The following SLC20A2 variants were observed in gnomAD, a reference collection of about 807,000 sequenced individuals.
SLC20A2 encodes the protein sodium-dependent phosphate transporter 2.
Under a neutral mutation model 61.0 loss-of-function variants are expected in SLC20A2, and 30 were observed. The ratio of observed to expected loss-of-function variants is 0.49; its 90% CI spans 0.37 to 0.67. The LOEUF is 0.67. Among genes scored for constraint, SLC20A2 ranks in the 30% least tolerant of loss-of-function variants. The probability of loss-of-function intolerance (pLI) is 0.00; values close to 1 mark genes in which losing one functional copy is unlikely to be tolerated. For synonymous variants in SLC20A2, 351 were observed against 353.3 expected (o/e 0.99, Z 0.07); for missense variants, 626 against 866.4 (o/e 0.72, Z 3.48).
chr8:42,515,294 G>C (rs968117759), intron 1 of SLC20A2, among the ~76,000 whole-genome samples: 10 of 152,150 alleles, frequency 6.6e-5, no homozygotes, highest in Admixed American at 6.5e-4. Flanking sequence ...GGGGTGACAG[G>C]AGAGTATGGC....
intron 1 of SLC20A2, among the ~76,000 whole-genome samples, chr8:42,522,065 C>T (rs1530846): frequency 0.24 from 28,593 of 119,728 alleles, 8,853 homozygotes; most frequent in South Asian, 0.43. Flanking sequence ...GAGGGTTGCC[C>T]ATTTAGGAGA....
intron 1 of SLC20A2, among the ~76,000 whole-genome samples, chr8:42,509,610 C>T (rs1343899904): frequency 4.0e-5 from 6 of 151,784 alleles, no homozygotes; most frequent in East Asian, 3.8e-4. Context: ...AAAAAATTAG[C>T]GGGTGCAGTG....
At chr8:42,440,293 C>T (rs546146207) in intron 6 of SLC20A2, among the ~76,000 whole-genome samples, 1 of 152,262 alleles carries the variant, frequency 6.6e-6, no homozygotes, top group East Asian at 1.9e-4. Flanking sequence ...GCCACCCAGA[C>T]TGGCCTTCTG....
At chr8:42,441,785 ATTGAG>A (rs1804805114) in intron 6 of SLC20A2, among the ~76,000 whole-genome samples, 1 of 151,748 alleles carries the variant, frequency 6.6e-6, no homozygotes, top group African/African-American at 2.4e-5. Flanking sequence ...TCATTTTTTA[ATTGAG>A]TTATTTGTTT....
chr8:42,508,572 G>T (rs1454676285), intron 1 of SLC20A2, among the ~76,000 whole-genome samples: 3 of 151,988 alleles, frequency 2.0e-5, no homozygotes, highest in Non-Finnish European at 4.4e-5. Context: ...TGTATTTTTA[G>T]TAGAGATGGG....
intron 5 of SLC20A2, among the ~76,000 whole-genome samples, chr8:42,446,584 C>A (rs1028483237): frequency 2.0e-5 from 3 of 152,128 alleles, no homozygotes; most frequent in Non-Finnish European, 2.9e-5. Flanking sequence ...GAAAGAGGCC[C>A]AAGATCCAAT....
At chr8:42,502,615 T>G (rs1810393937), upstream of SLC20A2, 1 of 152,318 alleles carries the variant, frequency 6.6e-6, no homozygotes, top group Non-Finnish European at 1.5e-5. Flanking sequence ...GATCTGAGAT[T>G]GCATCCCCTC....
chr8:42,491,759 C>G (rs1449854542), intron 1 of SLC20A2, among the ~76,000 whole-genome samples: 1 of 152,110 alleles, frequency 6.6e-6, no homozygotes, highest in Non-Finnish European at 1.5e-5. Flanking sequence ...TTTATCTGCT[C>G]TATCCCTTCT....
chr8:42,460,370 A>G (rs1194549639), intron 4 of SLC20A2, among the ~76,000 whole-genome samples: 1 of 152,250 alleles, frequency 6.6e-6, no homozygotes, highest in Non-Finnish European at 1.5e-5. Flanking sequence ...CACTACAGCC[A>G]AGTCCAGGTT....
At chr8:42,498,107 A>G (rs1276139238) in intron 1 of SLC20A2, among the ~76,000 whole-genome samples, 1 of 152,200 alleles carries the variant, frequency 6.6e-6, no homozygotes, top group African/African-American at 2.4e-5. Flanking sequence ...TTCTATCTAA[A>G]TATCATTTTA....
rs775237292 is a variant in SLC20A2 at position 42,437,183 on chromosome 8, C to T, written c.1329G>A (p.Ala443=). 2.5e-6 allele frequency: 4 copies of T among 1,613,538 alleles called. No individual in the cohort carries two copies. The highest frequency in any genetic ancestry group is 4.5e-5 in the East Asian group (2 of 44,894). Residue 443 remains alanine, a synonymous_variant, in exon 8 of 11, where the codon GCG becomes GCA. Coordinates refer to ENST00000520262, the MANE Select transcript of SLC20A2 (RefSeq NM_001257180.2). This position sits in a 1 kb window ranked among gnomAD's most constrained non-coding sequence, Gnocchi z 6.4. ...CGCCGCCCTCCTCCGCCTCGATCTC[C>T]GCCTCTGCCACCGCGTTACAGTAGC... ...YSSYCNAVAE[A]EIEAEEGGVE...
At chr8:42,457,588 G>A (rs1467955029) in intron 5 of SLC20A2, among the ~76,000 whole-genome samples, 21 of 151,942 alleles carry the variant, frequency 1.4e-4, no homozygotes, top group Admixed American at 1.4e-3. Context: ...TCAGGTTCAA[G>A]CAATTATCCT....
rs1342375622 is a variant in SLC20A2, at chr8:42,450,234, C to CT, written c.614-5473dup. On this transcript the variant is annotated intron_variant, in intron 5 of 10. Coordinates refer to ENST00000520262, the MANE Select transcript of SLC20A2 (RefSeq NM_001257180.2). ...ACCAAGTATTTTTTTTTCGTTCGTT[C>CT]TTTTTTTTTTTGAGACTGAGTCTTA... Among the ~76,000 whole-genome samples, 191 of 143,436 alleles carry CT rather than the reference C, an allele frequency of 1.3e-3. 2 individuals carry two copies. The highest frequency in any genetic ancestry group is 3.4e-3 in the African/African-American group (133 of 39,382). The allele number at this position is 143,436 out of a possible 152,430, so 94.1% of individuals were successfully genotyped here.
At chr8:42,477,085 CCGT>C (rs1429481621) in intron 1 of SLC20A2, among the ~76,000 whole-genome samples, 6 of 152,156 alleles carry the variant, frequency 3.9e-5, no homozygotes, top group Non-Finnish European at 8.8e-5. Flanking sequence ...GCATAAGGCC[CCGT>C]CGCAGTTCTG....
intron 1 of SLC20A2, among the ~76,000 whole-genome samples, chr8:42,539,706 T>C (rs1426623357): frequency 6.6e-6 from 1 of 152,336 alleles, no homozygotes; most frequent in Middle Eastern, 3.4e-3. Context: ...AGAAATTAAA[T>C]ATGGAAAGAG....
At chr8:42,501,250 C>G (rs144493986), upstream of SLC20A2, 258 of 152,324 alleles carry the variant, frequency 1.7e-3, no homozygotes, top group African/African-American at 6.1e-3. Context: ...TCATGTGTGC[C>G]GGGATTTATT....
chr8:42,533,064 A>G (rs1812442125), intron 1 of SLC20A2, among the ~76,000 whole-genome samples: 1 of 152,266 alleles, frequency 6.6e-6, no homozygotes, highest in African/African-American at 2.4e-5. Flanking sequence ...AATGATGCAG[A>G]ACAGGCCTAT....
In SLC20A2 at chr8:42,476,084, CTTTTTTTTTTTT is replaced by C. The variant is rs11350697; in HGVS notation, c.-264-3442_-264-3431del. Among the ~76,000 whole-genome samples, 192 of 42,122 alleles carry C rather than the reference CTTTTTTTTTTTT, an allele frequency of 4.6e-3. 2 individuals carry two copies. Among genetic ancestry groups the C allele is most frequent in the South Asian group, 0.036 (26 of 718 alleles). The allele number at this position is 42,122 out of a possible 152,430, so 27.6% of individuals were successfully genotyped here. A position where few individuals can be genotyped will look rare whatever the true frequency, so the allele number is the denominator to read the frequency against. On this transcript the variant is annotated intron_variant, in intron 1 of 10. Coordinates refer to ENST00000520262, the MANE Select transcript of SLC20A2 (RefSeq NM_001257180.2). ...GGTGAAGTAGCCGGGTTTACTGTGT[CTTTTTTTTTTTT>C]TTTTTTTTTTTTTTTTTTGACACGA...
chr8:42,459,235 C>CA (rs756966778), intron 5 of SLC20A2, among the ~76,000 whole-genome samples: 4,855 of 35,172 alleles, frequency 0.14, 360 homozygotes, highest in Non-Finnish European at 0.17. Flanking sequence ...GACTCTATCT[C>CA]AAAAAAAAAA....
Sources: allele counts gnomAD v4.1 joint callset (sites outside exome capture counted in the v4.1 genomes callset), GRCh38; gene constraint gnomAD v4.1.1; non-coding constraint Gnocchi (gnomAD v3.1); transcripts MANE v1.5; gene names NCBI Gene and HGNC (gene_info 2026-07-23, HGNC 2026-07-21).